Variants in EEPD1 observed in about 807,000 individuals in gnomAD.
The protein encoded by EEPD1 is endonuclease/exonuclease/phosphatase family domain containing 1.
A neutral mutation model predicts 46.3 loss-of-function variants in EEPD1; 17 were observed. The ratio of observed to expected loss-of-function variants is 0.37; its 90% CI spans 0.25 to 0.55. The LOEUF (loss-of-function observed/expected upper bound fraction) is 0.55. Ranked by LOEUF, EEPD1 falls within the 20% of genes least tolerant of loss-of-function variation. The probability of loss-of-function intolerance (pLI) is 0.83; values close to 1 mark genes in which losing one functional copy is unlikely to be tolerated. For synonymous variants in EEPD1, 313 were observed against 315.6 expected (o/e 0.99, Z 0.09); for missense variants, 673 against 745.6 (o/e 0.90, Z 1.13).
chr7:36,284,165 C>T (rs1221579172), intron 4 of EEPD1, among the ~76,000 whole-genome samples: 2 of 152,228 alleles, frequency 1.3e-5, no homozygotes, highest in Non-Finnish European at 2.9e-5. Context: ...TCAACTGCGA[C>T]CTCCACTCAC....
chr7:36,170,690 A>C (rs1785064181), intron 2 of EEPD1, among the ~76,000 whole-genome samples: 1 of 151,896 alleles, frequency 6.6e-6, no homozygotes. Context: ...GCCTTTAAAA[A>C]TATGTCTAAT....
intron 5 of EEPD1, 186 bp from the exon 6 acceptor site, chr7:36,287,453 C>G (rs1485527729): frequency 1.2e-6 from 1 of 815,104 alleles, no homozygotes; most frequent in African/African-American, 1.7e-5. Flanking sequence ...AGGCCTTGTT[C>G]CTGCAGGTGC....
intron 3 of EEPD1, among the ~76,000 whole-genome samples, chr7:36,251,708 C>G (rs1786741842): frequency 1.3e-5 from 2 of 152,172 alleles, no homozygotes; most frequent in South Asian, 2.1e-4. Flanking sequence ...GGCCCCTGTC[C>G]CAGTTCATCT....
At position 36,154,146 on chromosome 7, in the gene EEPD1, A is replaced by G. The variant is rs1784771945; in HGVS notation, c.-179A>G. ...TTTATTTTCTAGGCGGCCAAGTGAA[A>G]GGTAATTTTGGACACGCCAGGCATG... On this transcript the variant is annotated 5_prime_UTR_variant, in exon 2 of 8. Coordinates refer to ENST00000242108, the MANE Select transcript of EEPD1 (RefSeq NM_030636.3). This position sits in a 1 kb window ranked among gnomAD's most constrained non-coding sequence, Gnocchi z 4.2. The G allele has an allele frequency of 1.4e-6, 1 of 708,504 alleles. No individual in the cohort carries two copies. The highest frequency in any genetic ancestry group is 2.3e-6 in the Non-Finnish European group (1 of 442,184). The allele number at this position is 708,504 out of a possible 1,614,324, so 43.9% of individuals were successfully genotyped here.
At chr7:36,169,648 C>T (rs1381464877) in intron 2 of EEPD1, among the ~76,000 whole-genome samples, 3 of 152,212 alleles carry the variant, frequency 2.0e-5, no homozygotes, top group Admixed American at 6.5e-5. Context: ...CCCTCTTCCT[C>T]GCCCCTTAGT....
Position 36,287,801 on chromosome 7 carries a change from A to T in EEPD1, c.1315+24A>T, listed in dbSNP as rs196595. On this transcript the variant is annotated intron_variant, in intron 6 of 7. Transcript: ENST00000242108. ...AGGTAGGACATTGTCTTTTGCTGTG[A>T]CTCGGCCACTGTTTTGCAGAGCAGC... 4.6e-5 allele frequency: 74 copies of T among 1,609,628 alleles called. 1 individual carries two copies. The Admixed American group carries it at 1.0e-3, about 23-fold the overall frequency.
intron 3 of EEPD1, among the ~76,000 whole-genome samples, chr7:36,248,942 G>T (rs1786686129): frequency 6.6e-6 from 1 of 150,642 alleles, no homozygotes; most frequent in Non-Finnish European, 1.5e-5. Flanking sequence ...GGACCTCGCT[G>T]CCGGAAAGTG....
At chr7:36,284,935 C>G in intron 5 of EEPD1, 115 bp downstream of exon 5, 1 of 1,318,188 alleles carries the variant, frequency 7.6e-7, no homozygotes, top group Non-Finnish European at 9.8e-7. Context: ...GCCTTGATTT[C>G]AGCCTCTCAT....
intron 2 of EEPD1, among the ~76,000 whole-genome samples, chr7:36,217,466 A>G (rs574547262): frequency 4.5e-4 from 69 of 152,294 alleles, no homozygotes; most frequent in Admixed American, 1.3e-3. Flanking sequence ...CAGCTTCTTT[A>G]CTGCAGCCTC....
intron 4 of EEPD1, among the ~76,000 whole-genome samples, chr7:36,283,155 C>T (rs763769328): frequency 7.9e-5 from 12 of 152,236 alleles, no homozygotes; most frequent in East Asian, 1.9e-4. Flanking sequence ...GTGAGGTGCT[C>T]GGACCTGAGC....
At chr7:36,232,279 A>G (rs1463173972) in intron 2 of EEPD1, among the ~76,000 whole-genome samples, 2 of 150,858 alleles carry the variant, frequency 1.3e-5, no homozygotes, top group African/African-American at 4.9e-5. Flanking sequence ...ATCTTGGTTC[A>G]CTGCAACCTC....
chr7:36,223,025 C>T (rs1032101470), intron 2 of EEPD1, among the ~76,000 whole-genome samples: 1 of 152,006 alleles, frequency 6.6e-6, no homozygotes, highest in Non-Finnish European at 1.5e-5. Flanking sequence ...GTGGCGGGTG[C>T]CTGTAATCCC....
chr7:36,267,829 C>A (rs1203142839), intron 3 of EEPD1, among the ~76,000 whole-genome samples: 1 of 152,068 alleles, frequency 6.6e-6, no homozygotes, highest in Non-Finnish European at 1.5e-5. Flanking sequence ...GAGGTAGAGT[C>A]CTTGGGAGGT....
chr7:36,173,409 G>C (rs1785124520), intron 2 of EEPD1, among the ~76,000 whole-genome samples: 1 of 150,636 alleles, frequency 6.6e-6, no homozygotes, highest in African/African-American at 2.4e-5. Flanking sequence ...TGAGGCAGGA[G>C]AATCACTTGA....
At chr7:36,230,873 T>C (rs1562694945) in intron 2 of EEPD1, 1 of 152,212 alleles carries the variant, frequency 6.6e-6, no homozygotes, top group Non-Finnish European at 1.5e-5. Context: ...GGATCCATCA[T>C]ATAGCATTCA....
At chr7:36,238,831 C>T (rs947045755) in intron 2 of EEPD1, among the ~76,000 whole-genome samples, 154 bp from the exon 3 acceptor site, 5 of 152,138 alleles carry the variant, frequency 3.3e-5, no homozygotes, top group Non-Finnish European at 7.4e-5. Flanking sequence ...TCAAAACGGT[C>T]ATTTTGATTT....
At chr7:36,190,261 A>G (rs1785438776) in intron 2 of EEPD1, among the ~76,000 whole-genome samples, 1 of 152,194 alleles carries the variant, frequency 6.6e-6, no homozygotes, top group African/African-American at 2.4e-5. Context: ...ATTCCCAGCT[A>G]CTTGGGAGGC....
intron 3 of EEPD1, among the ~76,000 whole-genome samples, chr7:36,275,155 C>G (rs1481405638): frequency 4.6e-5 from 7 of 152,214 alleles, no homozygotes; most frequent in Non-Finnish European, 5.9e-5. Flanking sequence ...GCAGCTTCAT[C>G]TGGAAATTTG....
At chr7:36,287,608 T>A (rs1177680914) in intron 5 of EEPD1, 31 bp from the exon 6 acceptor site, 1 of 1,607,154 alleles carries the variant, frequency 6.2e-7, no homozygotes, top group Middle Eastern at 1.7e-4. Flanking sequence ...CTTCTGAGCC[T>A]CTCCCTGTTG....
Sources: allele counts gnomAD v4.1 joint callset (sites outside exome capture counted in the v4.1 genomes callset), GRCh38; gene constraint gnomAD v4.1.1; non-coding constraint Gnocchi (gnomAD v3.1); transcripts MANE v1.5; gene names NCBI Gene and HGNC (gene_info 2026-07-23, HGNC 2026-07-21).